Variants in PADI2 observed in about 807,000 individuals in gnomAD.
The protein encoded by PADI2 is peptidyl arginine deiminase 2.
Under a neutral mutation model 81.1 loss-of-function variants are expected in PADI2, and 70 were observed. The observed-to-expected ratio is 0.86, with a 90% CI of 0.71 to 1.05. The LOEUF (loss-of-function observed/expected upper bound fraction) is 1.05. PADI2 is among the 50% of genes least tolerant of loss of function. PADI2 has a pLI of 0.00. For synonymous variants in PADI2, 338 were observed against 358.0 expected (o/e 0.94, Z 0.63); for missense variants, 853 against 889.9 (o/e 0.96, Z 0.53).
At chr1:17,075,604 C>T (rs2078296066) in intron 12 of PADI2, 75 bp downstream of exon 12, 2 of 1,367,040 alleles carry the variant, frequency 1.5e-6, no homozygotes. Flanking sequence ...TAGCTCTTGC[C>T]CTCTGCTGGC....
At chr1:17,098,655 G>A (rs1931031218) in intron 3 of PADI2, among the ~76,000 whole-genome samples, 1 of 152,074 alleles carries the variant, frequency 6.6e-6, no homozygotes, top group Non-Finnish European at 1.5e-5. Flanking sequence ...TCACAGTGTG[G>A]CTCCCTTATC....
chr1:17,071,432 G>T lies in PADI2; in HGVS notation c.1609C>A (p.Leu537Ile), dbSNP rs143012694. ...TINKILSNES[L>I]VQENLYFQRC... ...TGGAAGTACAGGTTCTCCTGCACAA[G>T]GCTCTCGTTGGACAGAATCTTGTTG... Residue 537 changes from leucine (L) to isoleucine (I), a missense_variant, in exon 14 of 16, where the codon CTT becomes ATT. Transcript: ENST00000375486. The T allele has an allele frequency of 2.5e-5, 41 of 1,613,962 alleles. No individual in the cohort carries two copies. The highest frequency in any genetic ancestry group is 3.4e-5 in the Non-Finnish European group (40 of 1,179,900).
At chr1:17,106,635 G>C (rs1278563282) in intron 1 of PADI2, among the ~76,000 whole-genome samples, 1 of 151,978 alleles carries the variant, frequency 6.6e-6, no homozygotes, top group Non-Finnish European at 1.5e-5. Context: ...TAGAGATGGG[G>C]TTTCGCCATG....
In PADI2 at chr1:17,111,885, G is replaced by T. The variant is rs749622286; in HGVS notation, c.93-6824C>A. Among the ~76,000 whole-genome samples the T allele has an allele frequency of 2.0e-5, 3 of 152,204 alleles. No individual in the cohort carries two copies. In the South Asian group the frequency reaches 6.2e-4, roughly 32 times the overall value. ...AGGTGGGGGTTAGTCCTGCATGTTC[G>T]AGAAGCTGGAAAGAGGGGAGTGTGT... On this transcript the variant is annotated intron_variant, in intron 1 of 15. Transcript: ENST00000375486.
intron 5 of PADI2, among the ~76,000 whole-genome samples, chr1:17,093,118 CAG>C (rs1930765561): frequency 6.6e-6 from 1 of 150,496 alleles, no homozygotes; most frequent in South Asian, 2.1e-4. Context: ...TTTCTTGAGA[CAG>C]AGTCTTGCTC....
At chr1:17,103,129 A>C (rs1931212613) in intron 2 of PADI2, 70 bp from the exon 3 acceptor site, 1 of 1,074,938 alleles carries the variant, frequency 9.3e-7, no homozygotes, top group Non-Finnish European at 1.4e-6. Flanking sequence ...AAGCAGGAAA[A>C]CCTGAAGCAA....
chr1:17,088,094 G>A (rs544405810), intron 6 of PADI2, among the ~76,000 whole-genome samples: 70 of 152,274 alleles, frequency 4.6e-4, no homozygotes, highest in African/African-American at 1.5e-3. Flanking sequence ...GCGTCATAAC[G>A]GCGGCTATGG....
intron 4 of PADI2, among the ~76,000 whole-genome samples, chr1:17,095,428 C>T (rs2235919): frequency 0.56 from 84,440 of 151,728 alleles, 23,944 homozygotes; most frequent in Non-Finnish European, 0.63. Flanking sequence ...AGTAAATGAA[C>T]GAGGGAACAA....
chr1:17,078,175 G>A (rs1335551080), intron 11 of PADI2, among the ~76,000 whole-genome samples: 1 of 151,746 alleles, frequency 6.6e-6, no homozygotes, highest in Non-Finnish European at 1.5e-5. Context: ...GCAATGGCGC[G>A]ATCTCGGCTC....
intron 12 of PADI2, 151 bp downstream of exon 12, chr1:17,075,528 C>T (rs1003129624): frequency 4.6e-6 from 3 of 653,654 alleles, no homozygotes; most frequent in Admixed American, 7.1e-5. Context: ...ATTTTACCTG[C>T]CACAGCAACA....
intron 7 of PADI2, 98 bp from the exon 8 acceptor site, chr1:17,084,800 A>G (rs2078373588): frequency 1.4e-6 from 1 of 709,548 alleles, no homozygotes; most frequent in African/African-American, 1.8e-5. Flanking sequence ...CAGTGAATAC[A>G]TTTCCTCAGG....
At position 17,098,503 on chromosome 1, in the gene PADI2, T is replaced by A. The variant is rs535310756; in HGVS notation, c.350-2533A>T. On this transcript the variant is annotated intron_variant, in intron 3 of 15. Transcript: ENST00000375486. Reference sequence around the variant, plus strand: ...AAAATCAAATAAAATAGTAACACACTGTTTCTAAAGAAAGACAGCAGTTCC... The same window carrying A: ...AAAATCAAATAAAATAGTAACACACAGTTTCTAAAGAAAGACAGCAGTTCC... 2.0e-5 allele frequency among the ~76,000 whole-genome samples: 3 copies of A among 152,360 alleles called. No individual in the cohort carries two copies. The East Asian group carries it at 5.8e-4, about 29-fold the overall frequency.
chr1:17,069,985 G>T, intron 15 of PADI2, 103 bp downstream of exon 15: 4 of 1,334,624 alleles, frequency 3.0e-6, no homozygotes, highest in South Asian at 1.4e-5. Context: ...AGCCAGGATT[G>T]GGACCTGGGC....
At chr1:17,092,140 A>G (rs1346286358) in intron 6 of PADI2, among the ~76,000 whole-genome samples, 3 of 152,152 alleles carry the variant, frequency 2.0e-5, no homozygotes, top group Non-Finnish European at 4.4e-5. Context: ...AGAAGTGCCC[A>G]AATGCCCTTC....
chr1:17,074,747 A>G (rs1570976817), intron 13 of PADI2, 109 bp downstream of exon 13: 1 of 637,962 alleles, frequency 1.6e-6, no homozygotes, highest in Non-Finnish European at 2.8e-6. Flanking sequence ...ACACCCAGGG[A>G]AGTGGAGCTG....
intron 3 of PADI2, among the ~76,000 whole-genome samples, chr1:17,096,432 G>C (rs574206786): frequency 6.6e-6 from 1 of 152,242 alleles, no homozygotes. Context: ...CAGTCTACCC[G>C]GGCATGCGCA....
At chr1:17,072,245 G>T (rs2078269119) in intron 13 of PADI2, among the ~76,000 whole-genome samples, 1 of 152,164 alleles carries the variant, frequency 6.6e-6, no homozygotes, top group South Asian at 2.1e-4. Context: ...GCCTCATCTG[G>T]GAAGAGACTG....
At chr1:17,080,984 G>A (rs903975328) in intron 10 of PADI2, among the ~76,000 whole-genome samples, 1 of 152,224 alleles carries the variant, frequency 6.6e-6, no homozygotes, top group African/African-American at 2.4e-5. Context: ...CTGGGGTGCT[G>A]GGGCTCTGCA....
At chr1:17,079,169 A>T in intron 11 of PADI2, 95 bp downstream of exon 11, 2 of 1,038,278 alleles carry the variant, frequency 1.9e-6, no homozygotes, top group Non-Finnish European at 2.8e-6. Flanking sequence ...TCCCCCAGCC[A>T]CTTGCTCCAT....
Sources: gnomAD v4.1 joint callset for allele counts (sites outside exome capture counted in the v4.1 genomes callset) on GRCh38, gnomAD v4.1.1 for gene constraint, MANE v1.5 for transcripts, NCBI Gene and HGNC (gene_info 2026-07-23, HGNC 2026-07-21) for gene names.